Variants in KIF18A observed in about 807,000 individuals in gnomAD.
The protein encoded by KIF18A is kinesin-like protein KIF18A.
KIF18A carries 67 observed loss-of-function variants against 103.3 expected under a neutral mutation model. The observed-to-expected ratio is 0.65, with a 90% CI of 0.53 to 0.79. The LOEUF is 0.79. KIF18A is among the 30% of genes least tolerant of loss of function. The probability of loss-of-function intolerance (pLI) is 0.00; values close to 1 mark genes in which losing one functional copy is unlikely to be tolerated. For missense variants in KIF18A, 1,032 were observed against 1,062.5 expected, an observed-to-expected ratio of 0.97 and a Z score of 0.40; for synonymous variants, 367 against 355.5, an observed-to-expected ratio of 1.03 and a Z score of -0.36.
At chr11:28,022,841 T>C (rs573611358) in intron 16 of KIF18A, among the ~76,000 whole-genome samples, 2 of 152,156 alleles carry the variant, frequency 1.3e-5, no homozygotes, top group East Asian at 3.9e-4. Flanking sequence ...TTTACCAATA[T>C]AGTTTGACAA....
At chr11:28,069,493 A>G in intron 10 of KIF18A, 70 bp from the exon 11 acceptor site, 1 of 1,410,636 alleles carries the variant, frequency 7.1e-7, no homozygotes, top group Non-Finnish European at 9.7e-7. Flanking sequence ...TTAGTAAACT[A>G]GTATATTTTC....
chr11:28,024,970 A>G (rs1303121431), intron 15 of KIF18A, among the ~76,000 whole-genome samples: 1 of 152,090 alleles, frequency 6.6e-6, no homozygotes, highest in Non-Finnish European at 1.5e-5. Flanking sequence ...TCTATGATAA[A>G]GTTTAAATTA....
At chr11:28,103,743 A>G (rs1851472848) in intron 1 of KIF18A, among the ~76,000 whole-genome samples, 1 of 152,156 alleles carries the variant, frequency 6.6e-6, no homozygotes, top group African/African-American at 2.4e-5. Context: ...AAGGAAAAAG[A>G]AAATGTATAT....
chr11:28,104,320 C>CA (rs1851480180), intron 1 of KIF18A, among the ~76,000 whole-genome samples: 1 of 152,222 alleles, frequency 6.6e-6, no homozygotes, highest in Non-Finnish European at 1.5e-5. Flanking sequence ...CACATATGGC[C>CA]CTGCCTACCT....
At chr11:28,028,822 C>CT (rs1850355994) in intron 15 of KIF18A, among the ~76,000 whole-genome samples, 1 of 151,840 alleles carries the variant, frequency 6.6e-6, no homozygotes, top group Non-Finnish European at 1.5e-5. Context: ...ATCAAATAGA[C>CT]ACAATAAAAA....
At position 28,036,424 on chromosome 11, in the gene KIF18A, G is replaced by T; in HGVS notation, c.2189C>A (p.Thr730Lys). ...VTLMKPSSFT[T>K]SFQAISSNIN... The stretch of plus-strand genomic sequence containing the variant: ...GTTTGAGCTGATAGCCTGAAAACTT[G>T]TAGTAAATGATGATGGTTTCATTAA... Residue 730 changes from threonine to lysine, a missense_variant, in exon 14 of 17, where the codon ACA becomes AAA. Transcript: ENST00000263181. 3 of 1,610,876 alleles carry T rather than the reference G, an allele frequency of 1.9e-6. No individual in the cohort carries two copies. The highest frequency in any genetic ancestry group is 2.5e-6 in the Non-Finnish European group (3 of 1,177,954).
intron 13 of KIF18A, among the ~76,000 whole-genome samples, chr11:28,047,750 A>G (rs1379458995): frequency 6.6e-6 from 1 of 152,182 alleles, no homozygotes; most frequent in African/African-American, 2.4e-5. Flanking sequence ...AACTTTCTTC[A>G]CAGACTCAAA....
chr11:28,084,897 T>A, intron 6 of KIF18A, 89 bp from the exon 7 acceptor site: 1 of 964,412 alleles, frequency 1.0e-6, no homozygotes, highest in South Asian at 1.6e-5. Context: ...GGGGGGAGGA[T>A]TACCTAGGTG....
intron 2 of KIF18A, among the ~76,000 whole-genome samples, chr11:28,096,303 T>A (rs1016650846): frequency 6.6e-6 from 1 of 152,050 alleles, no homozygotes; most frequent in Non-Finnish European, 1.5e-5. Context: ...GTTGAAAATA[T>A]TTTTATAAAT....
intron 1 of KIF18A, among the ~76,000 whole-genome samples, chr11:28,099,332 G>A (rs1032983444): frequency 2.0e-5 from 3 of 152,050 alleles, no homozygotes; most frequent in Admixed American, 1.3e-4. Flanking sequence ...TGAGGAGGGT[G>A]GGGTGGGTGG....
chr11:28,053,554 G>A (rs1850738817), intron 13 of KIF18A, among the ~76,000 whole-genome samples: 1 of 152,072 alleles, frequency 6.6e-6, no homozygotes, highest in African/African-American at 2.4e-5. Context: ...TGCACAACGT[G>A]CAGGTTAGTT....
chr11:28,072,577 A>C (rs932133886), intron 10 of KIF18A, among the ~76,000 whole-genome samples: 8 of 152,104 alleles, frequency 5.3e-5, no homozygotes, highest in African/African-American at 1.7e-4. Flanking sequence ...ATGTCTTCCT[A>C]TGTTTTTCAG....
intron 3 of KIF18A, among the ~76,000 whole-genome samples, chr11:28,092,401 C>A (rs78456809): frequency 0.087 from 13,280 of 152,084 alleles, 1,029 homozygotes; most frequent in East Asian, 0.36. Context: ...GGAACTAAGA[C>A]TCTGAGAGGT....
chr11:28,021,538 T>C lies in KIF18A; in HGVS notation c.2615-256A>G, dbSNP rs140227406. Reference sequence around the variant, plus strand: ...ATACACAGACATCGGGTGAAGTCGCTGAATTAAATACTATGTTCATTTTCT... The same window carrying C: ...ATACACAGACATCGGGTGAAGTCGCCGAATTAAATACTATGTTCATTTTCT... On this transcript the variant is annotated intron_variant, in intron 16 of 16. Coordinates refer to ENST00000263181, the MANE Select transcript of KIF18A (RefSeq NM_031217.4). Among the ~76,000 whole-genome samples the C allele has an allele frequency of 8.4e-3, 1,282 of 152,328 alleles. 9 individuals are homozygous for C. Among genetic ancestry groups the C allele is most frequent in the African/African-American group, 0.029 (1,205 of 41,578 alleles).
chr11:28,084,608 C>CA, intron 7 of KIF18A, 24 bp downstream of exon 7: 1 of 1,556,148 alleles, frequency 6.4e-7, no homozygotes, highest in South Asian at 1.2e-5. Context: ...ACCTTCACAA[C>CA]AAAGGCAGAG....
intron 1 of KIF18A, among the ~76,000 whole-genome samples, chr11:28,101,163 A>G (rs1436839338): frequency 6.6e-6 from 1 of 152,126 alleles, no homozygotes; most frequent in East Asian, 1.9e-4. Context: ...TAGGGCATTT[A>G]GAACTGCCCT....
chr11:28,101,468 C>T (rs577529681), intron 1 of KIF18A, among the ~76,000 whole-genome samples: 1 of 152,222 alleles, frequency 6.6e-6, no homozygotes, highest in South Asian at 2.1e-4. Context: ...ACAACTATTA[C>T]ATGTTGGAGC....
intron 13 of KIF18A, among the ~76,000 whole-genome samples, chr11:28,049,157 AAATT>A (rs1850678806): frequency 6.6e-6 from 1 of 152,108 alleles, no homozygotes; most frequent in Non-Finnish European, 1.5e-5. Flanking sequence ...ATTTTAAAAT[AAATT>A]AAGAAACATC....
intron 10 of KIF18A, among the ~76,000 whole-genome samples, chr11:28,069,846 T>C (rs1373697721): frequency 1.3e-5 from 2 of 152,156 alleles, no homozygotes; most frequent in African/African-American, 4.8e-5. Flanking sequence ...ATGTGTTCTA[T>C]TGTTCTGTGT....
Sources: gnomAD v4.1 joint callset for allele counts (sites outside exome capture counted in the v4.1 genomes callset) on GRCh38, gnomAD v4.1.1 for gene constraint, MANE v1.5 for transcripts, NCBI Gene and HGNC (gene_info 2026-07-23, HGNC 2026-07-21) for gene names.